Variants in PRIM2 observed in about 807,000 individuals in gnomAD.
The protein encoded by PRIM2 is DNA primase subunit 2, also known as DNA primase large subunit.
PRIM2 carries 39 observed loss-of-function variants against 67.3 expected under a neutral mutation model. That is an observed-to-expected ratio of 0.58 (90% CI 0.45 to 0.76). The LOEUF (loss-of-function observed/expected upper bound fraction) is 0.76, where lower values mean the gene tolerates loss of function less well. Ranked by LOEUF, PRIM2 falls within the 30% of genes least tolerant of loss-of-function variation. PRIM2 has a pLI of 0.00. For synonymous variants in PRIM2, 143 were observed against 198.7 expected, an observed-to-expected ratio of 0.72 and a Z score of 2.36; for missense variants, 398 against 598.7, an observed-to-expected ratio of 0.66 and a Z score of 3.50.
chr6:57,311,398 G>A (rs1329572081), upstream of PRIM2, among the ~76,000 whole-genome samples: 1 of 150,472 alleles, frequency 6.6e-6, no homozygotes, highest in Admixed American at 6.6e-5. Context: ...CAGAGGGGGC[G>A]GCCAGGCAGA....
At chr6:57,371,027 G>A (rs1769536992) in intron 5 of PRIM2, among the ~76,000 whole-genome samples, 1 of 151,592 alleles carries the variant, frequency 6.6e-6, no homozygotes, top group African/African-American at 2.4e-5. Flanking sequence ...TCTAATCTGA[G>A]CAAGACTAGA....
At chr6:57,528,147 T>A (rs1295556227) in intron 8 of PRIM2, among the ~76,000 whole-genome samples, 27 of 146,292 alleles carry the variant, frequency 1.8e-4, no homozygotes, top group African/African-American at 4.1e-4. Context: ...TTTTTTTTTT[T>A]ATAGCGATGA....
the PRIM2 span, among the ~76,000 whole-genome samples, chr6:57,264,529 A>C: frequency 6.6e-6 from 1 of 152,028 alleles, no homozygotes; most frequent in African/African-American, 2.4e-5. Flanking sequence ...ATACACTGGT[A>C]AACAGTTGCA....
chr6:57,507,401 C>T lies in PRIM2; in HGVS notation c.708C>T (p.Ser236=), dbSNP rs1554347303. Residue 236 remains serine (S), a synonymous_variant, in exon 8 of 14, where the codon TCC becomes TCT. Coordinates refer to ENST00000615550, the MANE Select transcript of PRIM2 (RefSeq NM_000947.5). ...CCTGCTTTTAGTTAACAGCCAGGTC[C>T]TTGCCTGCTGTGCAGTCTGATGAAA... The part of the protein sequence containing the change: ...LSKALALTAR[S]LPAVQSDERL... 92 of 1,549,074 alleles carry T rather than the reference C, an allele frequency of 5.9e-5. No individual in the cohort carries two copies. Among genetic ancestry groups the T allele is most frequent in the Middle Eastern group, 1.7e-4 (1 of 5,926 alleles).
chr6:57,454,282 G>C (rs1288944498), intron 7 of PRIM2, among the ~76,000 whole-genome samples: 4 of 152,088 alleles, frequency 2.6e-5, no homozygotes, highest in Non-Finnish European at 2.9e-5. Flanking sequence ...GCTTTGGTAT[G>C]AGGATGATGC....
chr6:57,440,653 T>C (rs1772175046), intron 7 of PRIM2, among the ~76,000 whole-genome samples: 1 of 152,202 alleles, frequency 6.6e-6, no homozygotes, highest in African/African-American at 2.4e-5. Flanking sequence ...ACTAACCCAG[T>C]CTTCATGAAA....
intron 5 of PRIM2, among the ~76,000 whole-genome samples, chr6:57,331,863 T>C (rs1768067881): frequency 1.3e-5 from 2 of 151,986 alleles, no homozygotes; most frequent in Admixed American, 1.3e-4. Flanking sequence ...TTGGTTTCAT[T>C]GATTTTTCTG....
intron 8 of PRIM2, among the ~76,000 whole-genome samples, chr6:57,530,141 A>G (rs1293920599): frequency 2.0e-5 from 3 of 152,254 alleles, no homozygotes; most frequent in African/African-American, 7.2e-5. Flanking sequence ...GAAGGGACAG[A>G]TATGCAAACC....
chr6:57,452,028 C>T (rs34511884), intron 7 of PRIM2, among the ~76,000 whole-genome samples: 6 of 150,526 alleles, frequency 4.0e-5, no homozygotes, highest in African/African-American at 7.3e-5. Context: ...TGAGAACATG[C>T]GGTGTTTGGG....
At chr6:57,346,049 G>T (rs1768665411) in intron 5 of PRIM2, among the ~76,000 whole-genome samples, 1 of 152,160 alleles carries the variant, frequency 6.6e-6, no homozygotes, top group Non-Finnish European at 1.5e-5. Context: ...CTTGGTTTTG[G>T]TGGGTTTTGG....
chr6:57,485,874 C>T (rs1379597245), intron 7 of PRIM2, among the ~76,000 whole-genome samples: 1 of 152,182 alleles, frequency 6.6e-6, no homozygotes, highest in Non-Finnish European at 1.5e-5. Context: ...CTTAAAGGAG[C>T]TTACAGTCCA....
chr6:57,467,112 AAAAAAAAAG>A (rs1773218886), intron 7 of PRIM2, among the ~76,000 whole-genome samples: 3 of 149,646 alleles, frequency 2.0e-5, no homozygotes, highest in Non-Finnish European at 4.5e-5. Context: ...TCTCAAAAAA[AAAAAAAAAG>A]AAAAGAAAAA....
rs1361527013 is a variant in PRIM2 at position 57,589,944 on chromosome 6, T to G, written c.1021-11149T>G. 4.5e-4 allele frequency among the ~76,000 whole-genome samples: 69 copies of G among 152,104 alleles called. 1 individual carries two copies. The highest frequency in any genetic ancestry group is 4.4e-3 in the Admixed American group (67 of 15,272). On this transcript the variant is annotated intron_variant, in intron 10 of 13. Coordinates refer to ENST00000615550, the MANE Select transcript of PRIM2 (RefSeq NM_000947.5). ...GGAAACAAAGAGCCAGGAGAAGTCT[T>G]CATCCCAGGAGACAAAGATCCAGGA...
intron 5 of PRIM2, among the ~76,000 whole-genome samples, chr6:57,355,709 C>T (rs1463676974): frequency 2.0e-5 from 3 of 151,996 alleles, no homozygotes; most frequent in Non-Finnish European, 4.4e-5. Context: ...TGCAGTGGTG[C>T]GATCATGGCT....
intron 5 of PRIM2, among the ~76,000 whole-genome samples, chr6:57,374,113 C>T (rs1769663320): frequency 6.6e-6 from 1 of 150,992 alleles, no homozygotes; most frequent in Admixed American, 6.6e-5. Flanking sequence ...TGTGTCATCT[C>T]TGATTTCTTT....
chr6:57,575,098 A>G (rs1350764786), intron 10 of PRIM2, among the ~76,000 whole-genome samples: 33 of 152,110 alleles, frequency 2.2e-4, no homozygotes, highest in African/African-American at 7.0e-4. Context: ...TTGGATGCCA[A>G]ATAGGCTCCT....
the PRIM2 span, among the ~76,000 whole-genome samples, chr6:57,268,530 T>C: frequency 3.9e-5 from 6 of 152,160 alleles, no homozygotes; most frequent in African/African-American, 1.4e-4. Context: ...TATTTTTTAA[T>C]TGAGTTTTAA....
upstream of PRIM2, among the ~76,000 whole-genome samples, chr6:57,315,091 T>G (rs1767455158): frequency 6.6e-6 from 1 of 152,226 alleles, no homozygotes; most frequent in Non-Finnish European, 1.5e-5. Flanking sequence ...ATATTTCCAG[T>G]TTTCTCTGAG....
chr6:57,464,747 T>C (rs1773129418), intron 7 of PRIM2, among the ~76,000 whole-genome samples: 1 of 152,226 alleles, frequency 6.6e-6, no homozygotes, highest in Admixed American at 6.5e-5. Flanking sequence ...ATGTACTTCC[T>C]GTGTGCCAGG....
Sources: gnomAD v4.1 joint callset for allele counts (sites outside exome capture counted in the v4.1 genomes callset) on GRCh38, gnomAD v4.1.1 for gene constraint, MANE v1.5 for transcripts, NCBI Gene and HGNC (gene_info 2026-07-23, HGNC 2026-07-21) for gene names.